The following SUCLG1 variants were observed in gnomAD, a reference collection of about 807,000 sequenced individuals.
SUCLG1 encodes the protein succinate-CoA ligase GDP/ADP-forming subunit alpha.
A neutral mutation model predicts 37.3 loss-of-function variants in SUCLG1; 26 were observed. That is an observed-to-expected ratio of 0.70 (90% CI 0.51 to 0.97). SUCLG1 has a LOEUF of 0.97. Among genes scored for constraint, SUCLG1 ranks in the 50% least tolerant of loss-of-function variants. SUCLG1 has a pLI of 0.00. For synonymous variants in SUCLG1, 163 were observed against 155.6 expected (o/e 1.05, Z -0.36); for missense variants, 433 against 432.9 (o/e 1.00, Z 0.00).
At chr2:84,441,167 A>G (rs1672766563) in intron 4 of SUCLG1, 63 bp from the exon 5 acceptor site, 1 of 1,612,540 alleles carries the variant, frequency 6.2e-7, no homozygotes, top group African/African-American at 1.3e-5. Flanking sequence ...TCATACACAC[A>G]AATACACTCG....
chr2:84,451,276 C>CTCATATCATATCATATCATA (rs112772303), intron 1 of SUCLG1, among the ~76,000 whole-genome samples: 11 of 152,014 alleles, frequency 7.2e-5, no homozygotes, highest in African/African-American at 2.7e-4. Flanking sequence ...TCAACAAATG[C>CTCATATCATATCATATCATA]TCATATCATA....
At position 84,440,173 on chromosome 2, in the gene SUCLG1, G is replaced by A. The variant is rs558053625; in HGVS notation, c.589+874C>T. Among the ~76,000 whole-genome samples the A allele has an allele frequency of 3.3e-5, 5 of 152,246 alleles. No homozygotes were observed. In the East Asian group the frequency reaches 7.8e-4, roughly 24 times the overall value. ...GCAGATCACCTGAGGTCGGGAGTTC[G>A]AGGCCAGCCTGACCAACATGGAGAA... On this transcript the variant is annotated intron_variant, in intron 5 of 8. Coordinates refer to ENST00000393868, the MANE Select transcript of SUCLG1 (RefSeq NM_003849.4).
At chr2:84,441,911 C>T (rs1392646348) in intron 3 of SUCLG1, among the ~76,000 whole-genome samples, 1 of 151,868 alleles carries the variant, frequency 6.6e-6, no homozygotes, top group Non-Finnish European at 1.5e-5. Context: ...TGAAAAGTAC[C>T]TACATTACAT....
chr2:84,439,213 T>C lies in SUCLG1; in HGVS notation c.589+1834A>G, dbSNP rs553613850. Among the ~76,000 whole-genome samples the C allele has an allele frequency of 4.3e-4, 65 of 152,158 alleles. 1 individual carries two copies. The Middle Eastern group carries it at 0.01, about 24-fold the overall frequency. On this transcript the variant is annotated intron_variant, in intron 5 of 8. Transcript: ENST00000393868. ...TTAAAAAAAAAAAAAAAGTCCTTTT[T>C]CAAAGGAATTAAAAGCAGTCTCCCA...
At chr2:84,442,281 A>T (rs1672786764) in intron 3 of SUCLG1, among the ~76,000 whole-genome samples, 2 of 152,162 alleles carry the variant, frequency 1.3e-5, no homozygotes, top group African/African-American at 2.4e-5. Flanking sequence ...CCATAATAGA[A>T]TTTAAGGCAG....
intron 5 of SUCLG1, among the ~76,000 whole-genome samples, chr2:84,440,822 C>G (rs1323458327): frequency 6.6e-6 from 1 of 152,174 alleles, no homozygotes; most frequent in Non-Finnish European, 1.5e-5. Context: ...CTTTAAACTC[C>G]CACCACCAAA....
chr2:84,433,093 G>A, intron 6 of SUCLG1: 1 of 533,546 alleles, frequency 1.9e-6, no homozygotes, highest in African/African-American at 1.9e-5. Context: ...ACCAAGTGAT[G>A]TTTTCAGGCA....
chr2:84,434,031 C>T (rs1573365827), intron 5 of SUCLG1, among the ~76,000 whole-genome samples: 1 of 152,222 alleles, frequency 6.6e-6, no homozygotes, highest in East Asian at 1.9e-4. Context: ...CCTCTCTCAC[C>T]ATGTGACACG....
intron 6 of SUCLG1, chr2:84,432,796 G>T (rs1449250814): frequency 2.0e-5 from 3 of 152,310 alleles, no homozygotes; most frequent in Middle Eastern, 3.2e-3. Context: ...AACAAATAAT[G>T]AAATTATTTT....
rs374871796 is a variant in SUCLG1 at position 84,459,248 on chromosome 2, C to A, written c.22G>T (p.Ala8Ser). Residue 8 changes from alanine to serine, a missense_variant, in exon 1 of 9, where the codon GCC (alanine) becomes TCC (serine). Ala to Ser is a moderately conservative substitution (Grantham distance 99, BLOSUM62 1). Transcript: ENST00000393868. MTATLAA[A>S]ADIATMVSGS... Reference sequence around the variant, plus strand: ...GAGACCATGGTAGCGATGTCAGCGGCAGCGGCAAGGGTTGCGGTCATACGC... The same window carrying A: ...GAGACCATGGTAGCGATGTCAGCGGAAGCGGCAAGGGTTGCGGTCATACGC... 1.6e-5 allele frequency: 25 copies of A among 1,550,526 alleles called. No individual in the cohort carries two copies. The African/African-American group carries it at 3.2e-4, about 20-fold the overall frequency.
At chr2:84,445,416 CAA>C (rs1672835377) in intron 2 of SUCLG1, among the ~76,000 whole-genome samples, 1 of 152,064 alleles carries the variant, frequency 6.6e-6, no homozygotes, top group South Asian at 2.1e-4. Flanking sequence ...CCCACATACA[CAA>C]AGACACATAC....
intron 5 of SUCLG1, among the ~76,000 whole-genome samples, chr2:84,436,490 C>T (rs1327964817): frequency 6.6e-6 from 1 of 152,214 alleles, no homozygotes; most frequent in Admixed American, 6.5e-5. Context: ...TCTAAGGAGA[C>T]TACCTGCTGG....
At position 84,443,181 on chromosome 2, in the gene SUCLG1, G is replaced by C; in HGVS notation, c.318+103C>G. 3 of 1,023,866 alleles carry C rather than the reference G, an allele frequency of 2.9e-6. No homozygotes were observed. The East Asian group carries it at 7.1e-5, about 24-fold the overall frequency. 63.4% of individuals were successfully genotyped at this position (1,023,866 alleles called of 1,614,324 possible). The stretch of plus-strand genomic sequence containing the variant: ...CTCTAGGTTACTGAATTTTCAAATA[G>C]CAAGTGACTCTACCAAAAAAACATA... On this transcript the variant is annotated intron_variant, in intron 3 of 8. Coordinates refer to ENST00000393868, the MANE Select transcript of SUCLG1 (RefSeq NM_003849.4).
chr2:84,441,855 G>A (rs1028596591), intron 3 of SUCLG1, among the ~76,000 whole-genome samples: 1 of 152,098 alleles, frequency 6.6e-6, no homozygotes, highest in Non-Finnish European at 1.5e-5. Context: ...ATTAAAACTA[G>A]TATGGAATCA....
intron 6 of SUCLG1, 59 bp downstream of exon 6, chr2:84,433,293 A>T: frequency 7.7e-7 from 1 of 1,295,796 alleles, no homozygotes; most frequent in Non-Finnish European, 1.1e-6. Flanking sequence ...AATTATTATT[A>T]TACTCATCCA....
intron 5 of SUCLG1, among the ~76,000 whole-genome samples, chr2:84,440,414 T>C (rs937623374): frequency 2.6e-5 from 4 of 152,174 alleles, no homozygotes; most frequent in Non-Finnish European, 5.9e-5. Context: ...TGTGAAGATA[T>C]GGAGCAAGTG....
intron 2 of SUCLG1, chr2:84,448,997 T>C: frequency 5.5e-6 from 2 of 366,638 alleles, no homozygotes; most frequent in Non-Finnish European, 1.1e-5. Context: ...TATGTGGCAT[T>C]TTATTATAGA....
chr2:84,429,503 G>A (rs1487369561), intron 7 of SUCLG1, among the ~76,000 whole-genome samples: 1 of 151,998 alleles, frequency 6.6e-6, no homozygotes, highest in African/African-American at 2.4e-5. Flanking sequence ...ACTGTGCCAG[G>A]GGACTGGGCA....
intron 1 of SUCLG1, among the ~76,000 whole-genome samples, chr2:84,452,274 G>A (rs1672953431): frequency 6.6e-6 from 1 of 151,954 alleles, no homozygotes; most frequent in African/African-American, 2.4e-5. Flanking sequence ...AAGAGGTGGG[G>A]AGGGTGACAA....
Sources: allele counts gnomAD v4.1 joint callset (sites outside exome capture counted in the v4.1 genomes callset), GRCh38; gene constraint gnomAD v4.1.1; transcripts MANE v1.5; gene names NCBI Gene and HGNC (gene_info 2026-07-23, HGNC 2026-07-21).